Variants in MACROD2 observed in about 807,000 individuals in gnomAD.
MACROD2 encodes the protein ADP-ribose glycohydrolase MACROD2.
Under a neutral mutation model 70.4 loss-of-function variants are expected in MACROD2, and 36 were observed. The observed-to-expected ratio is 0.51, with a 90% CI of 0.39 to 0.68. MACROD2 has a LOEUF of 0.68. Among genes scored for constraint, MACROD2 ranks in the 30% least tolerant of loss-of-function variants. The pLI is 0.00. For synonymous variants in MACROD2, 172 were observed against 178.8 expected, an observed-to-expected ratio of 0.96 and a Z score of 0.30; for missense variants, 496 against 538.4, an observed-to-expected ratio of 0.92 and a Z score of 0.78.
chr20:14,466,132 C>T (rs192223254), intron 3 of MACROD2, among the ~76,000 whole-genome samples: 3,196 of 152,208 alleles, frequency 0.021, 51 homozygotes, highest in Non-Finnish European at 0.034. Context: ...AGAGTGTTTT[C>T]CAACTTGGTT....
chr20:15,533,544 GCT>G (rs3071260), intron 8 of MACROD2, among the ~76,000 whole-genome samples: 11,598 of 140,800 alleles, frequency 0.082, 1,179 homozygotes, highest in African/African-American at 0.25. Flanking sequence ...TGTCTCTGTC[GCT>G]CTCTCTCTCT....
chr20:14,572,883 A>C (rs1268398841), intron 4 of MACROD2, among the ~76,000 whole-genome samples: 1 of 150,384 alleles, frequency 6.6e-6, no homozygotes, highest in Admixed American at 6.7e-5. Flanking sequence ...TAAATATTAA[A>C]TATTAAAGAT....
intron 4 of MACROD2, among the ~76,000 whole-genome samples, chr20:14,658,622 G>A (rs1454079701): frequency 6.6e-6 from 1 of 151,970 alleles, no homozygotes; most frequent in Non-Finnish European, 1.5e-5. Context: ...TTGTTTGTTT[G>A]TTTTTTTGGG....
At chr20:14,395,288 A>G (rs2122816599) in intron 3 of MACROD2, among the ~76,000 whole-genome samples, 1 of 152,176 alleles carries the variant, frequency 6.6e-6, no homozygotes, top group South Asian at 2.1e-4. Context: ...TATAATAGAT[A>G]TAGGGCTATT....
In MACROD2 at chr20:15,770,984, C is replaced by T. The variant is rs1331430079; in HGVS notation, c.646-91761C>T. On this transcript the variant is annotated intron_variant, in intron 8 of 17. Coordinates refer to ENST00000684519, the MANE Select transcript of MACROD2 (RefSeq NM_001351661.2). ...GAGGAATGAGAGTGTGTTCTGTCCA[C>T]GGGTAGGAGGGATTTGGAAAAGCCA... Among the ~76,000 whole-genome samples the T allele has an allele frequency of 3.3e-5, 5 of 152,206 alleles. No individual in the cohort carries two copies. The East Asian group carries it at 5.8e-4, about 18-fold the overall frequency.
chr20:15,737,418 A>G (rs936725502), intron 8 of MACROD2, among the ~76,000 whole-genome samples: 1 of 152,200 alleles, frequency 6.6e-6, no homozygotes, highest in Non-Finnish European at 1.5e-5. Flanking sequence ...TTATTCAACA[A>G]TAAGTACTTA....
chr20:14,297,654 T>C (rs555841061), intron 3 of MACROD2, among the ~76,000 whole-genome samples: 1 of 152,026 alleles, frequency 6.6e-6, no homozygotes, highest in African/African-American at 2.4e-5. Context: ...GTTCCTGAGG[T>C]TTATGGAAAG....
intron 5 of MACROD2, among the ~76,000 whole-genome samples, chr20:14,711,628 CAGTGA>C (rs2071339680): frequency 6.6e-6 from 1 of 152,108 alleles, no homozygotes; most frequent in Admixed American, 6.6e-5. Context: ...TCTACAGGAT[CAGTGA>C]ACTAAATCTA....
At chr20:15,688,352 T>C (rs1048385812) in intron 8 of MACROD2, among the ~76,000 whole-genome samples, 18 of 152,184 alleles carry the variant, frequency 1.2e-4, no homozygotes, top group Admixed American at 2.6e-4. Flanking sequence ...CTCCCTGGGA[T>C]AGAGGAACCA....
chr20:15,183,469 A>G (rs900579467), intron 5 of MACROD2, among the ~76,000 whole-genome samples: 3 of 151,930 alleles, frequency 2.0e-5, no homozygotes, highest in Non-Finnish European at 4.4e-5. Flanking sequence ...GAGGCTGCAC[A>G]CTAGCCTGGG....
At chr20:15,988,945 A>G (rs563451601) in intron 15 of MACROD2, among the ~76,000 whole-genome samples, 1 of 152,150 alleles carries the variant, frequency 6.6e-6, no homozygotes, top group East Asian at 1.9e-4. Context: ...ATGTAGATTC[A>G]TGGTGCTCTG....
chr20:14,587,886 T>C (rs1318962673), intron 4 of MACROD2, among the ~76,000 whole-genome samples: 3 of 152,104 alleles, frequency 2.0e-5, no homozygotes, highest in Non-Finnish European at 4.4e-5. Context: ...TCCATGAATG[T>C]TGACAAATGA....
At chr20:14,187,578 A>G (rs2081355193) in intron 3 of MACROD2, among the ~76,000 whole-genome samples, 1 of 152,222 alleles carries the variant, frequency 6.6e-6, no homozygotes. Context: ...TAACTGGTTT[A>G]TTCTTTGATC....
intron 5 of MACROD2, among the ~76,000 whole-genome samples, chr20:14,698,038 A>G (rs1392509499): frequency 2.6e-5 from 4 of 152,092 alleles, no homozygotes; most frequent in Non-Finnish European, 5.9e-5. Flanking sequence ...ATTTTTTTGG[A>G]AAATAATACT....
chr20:14,257,976 A>G (rs780945874), intron 3 of MACROD2, among the ~76,000 whole-genome samples: 10 of 152,162 alleles, frequency 6.6e-5, no homozygotes, highest in Non-Finnish European at 1.2e-4. Context: ...AAAATTGAGA[A>G]CATATAAGAT....
intron 3 of MACROD2, among the ~76,000 whole-genome samples, chr20:14,246,768 T>A (rs2081971238): frequency 6.6e-6 from 1 of 152,216 alleles, no homozygotes; most frequent in South Asian, 2.1e-4. Context: ...TATAACAAAC[T>A]TCTTTATCCT....
chr20:15,555,765 G>C (rs1222434616), intron 8 of MACROD2, among the ~76,000 whole-genome samples: 2 of 141,580 alleles, frequency 1.4e-5, no homozygotes, highest in African/African-American at 5.3e-5. Flanking sequence ...GAAGGCGGAG[G>C]TTGCAGTGAG....
At chr20:14,908,490 A>G (rs2073987500) in intron 5 of MACROD2, among the ~76,000 whole-genome samples, 2 of 152,142 alleles carry the variant, frequency 1.3e-5, no homozygotes, top group South Asian at 4.1e-4. Context: ...CCCTGTCTCT[A>G]TTAAAAATAC....
chr20:15,629,943 A>G (rs989216594), intron 8 of MACROD2, among the ~76,000 whole-genome samples: 1 of 152,044 alleles, frequency 6.6e-6, no homozygotes, highest in Non-Finnish European at 1.5e-5. Flanking sequence ...ATGGTCAAAC[A>G]TTTTCTTCTG....
Sources: gnomAD v4.1 joint callset for allele counts (sites outside exome capture counted in the v4.1 genomes callset) on GRCh38, gnomAD v4.1.1 for gene constraint, MANE v1.5 for transcripts, NCBI Gene and HGNC (gene_info 2026-07-23, HGNC 2026-07-21) for gene names.